KDM4B: variants seen among roughly 807,000 people sequenced by gnomAD.
The protein encoded by KDM4B is lysine-specific demethylase 4B.
In KDM4B, 32 loss-of-function variants were observed where a neutral mutation model predicts 125.2. That is an observed-to-expected ratio of 0.26 (90% CI 0.19 to 0.34). The LOEUF is 0.34. Ranked by LOEUF, KDM4B falls within the 10% of genes least tolerant of loss-of-function variation. The pLI is 1.00. For synonymous variants in KDM4B, 721 were observed against 677.9 expected (o/e 1.06, Z -0.99); for missense variants, 1,190 against 1,577.7 (o/e 0.75, Z 4.16).
intron 6 of KDM4B, among the ~76,000 whole-genome samples, chr19:5,061,214 C>T (rs550039487): frequency 2.6e-5 from 4 of 152,338 alleles, no homozygotes; most frequent in East Asian, 1.9e-4. Context: ...TCCGCTTTGT[C>T]GGGCATTCCT....
intron 6 of KDM4B, among the ~76,000 whole-genome samples, chr19:5,063,043 TA>T (rs1267143974): frequency 6.6e-6 from 1 of 151,960 alleles, no homozygotes; most frequent in East Asian, 1.9e-4. Context: ...CTAGTGTCTC[TA>T]GTGCAGTGTG....
chr19:5,151,405 G>A lies in KDM4B; in HGVS notation c.3185G>A (p.Arg1062His). Residue 1062 changes from arginine to histidine, a missense_variant, in exon 23 of 23, where the codon CGT becomes CAT. Arg to His is a conservative substitution (Grantham distance 29, BLOSUM62 0). Around this residue, in one of 7 missense-constraint regions of KDM4B, gnomAD observed 109 missense variants for 93.8 expected, o/e 1.16. Coordinates refer to ENST00000159111, the MANE Select transcript of KDM4B (RefSeq NM_015015.3). ...GAGGCCAAGGCCGCCAAGCGCCCGC[G>A]TGTGGGCACCCCGCTTGCCACGGAG... Reference protein sequence around the residue: ...GEEAKAAKRPRVGTPLATEDS... With the variant: ...GEEAKAAKRPHVGTPLATEDS... 1.3e-6 allele frequency: 2 copies of A among 1,582,120 alleles called. No individual in the cohort carries two copies. Among genetic ancestry groups the A allele is most frequent in the Non-Finnish European group, 1.7e-6 (2 of 1,166,638 alleles).
At chr19:4,985,338 C>T (rs561301530) in intron 1 of KDM4B, among the ~76,000 whole-genome samples, 63 of 152,194 alleles carry the variant, frequency 4.1e-4, no homozygotes, top group Non-Finnish European at 7.5e-4. Flanking sequence ...AAAAAAAAAT[C>T]AGCAATGACA....
chr19:5,061,552 T>A (rs1292398273), intron 6 of KDM4B, among the ~76,000 whole-genome samples: 2 of 152,018 alleles, frequency 1.3e-5, no homozygotes, highest in Non-Finnish European at 2.9e-5. Context: ...AGGATGAGGC[T>A]CCATGAAAGA....
At chr19:5,040,550 C>T (rs1215578868) in intron 4 of KDM4B, among the ~76,000 whole-genome samples, 1 of 152,194 alleles carries the variant, frequency 6.6e-6, no homozygotes, top group Non-Finnish European at 1.5e-5. Context: ...CCTATGGGCG[C>T]CTACCCAGGT....
At position 5,100,975 on chromosome 19, in the gene KDM4B, C is replaced by G. The variant is rs372294101; in HGVS notation, c.919-9647C>G. Reference sequence around the variant, plus strand: ...GTGGCTCACACCTGTGATTCCAGCACTTTGGGAGGCTGAGGCGGGCGGATC... The same window carrying G: ...GTGGCTCACACCTGTGATTCCAGCAGTTTGGGAGGCTGAGGCGGGCGGATC... On this transcript the variant is annotated intron_variant, in intron 9 of 22. Coordinates refer to ENST00000159111, the MANE Select transcript of KDM4B (RefSeq NM_015015.3). Among the ~76,000 whole-genome samples the G allele has an allele frequency of 2.6e-5, 4 of 152,220 alleles. No individual in the cohort carries two copies. In the East Asian group the frequency reaches 7.7e-4, roughly 29 times the overall value.
chr19:5,124,078 C>T (rs1460121872), intron 11 of KDM4B, among the ~76,000 whole-genome samples: 3 of 152,108 alleles, frequency 2.0e-5, no homozygotes, highest in Non-Finnish European at 2.9e-5. Context: ...CTGCCCTTCT[C>T]ACGAGTCAGA....
rs1160420067 is a variant in KDM4B at position 5,089,885 on chromosome 19, C to A, written c.918+7381C>A. 2.6e-5 allele frequency among the ~76,000 whole-genome samples: 4 copies of A among 152,048 alleles called. No individual in the cohort carries two copies. In the East Asian group the frequency reaches 7.7e-4, roughly 29 times the overall value. ...TTCAGAATGGGAGTTAAAAACCAAA[C>A]AAAAGGCCAAGCGCAGTGACTCATG... On this transcript the variant is annotated intron_variant, in intron 9 of 22. Coordinates refer to ENST00000159111, the MANE Select transcript of KDM4B (RefSeq NM_015015.3).
At chr19:5,146,856 G>A (rs1313531933) in intron 21 of KDM4B, among the ~76,000 whole-genome samples, 3 of 135,670 alleles carry the variant, frequency 2.2e-5, no homozygotes, top group Admixed American at 8.5e-5. Context: ...TGGGAGGATC[G>A]CTTGAACCCA....
chr19:5,043,581 A>C (rs2036908815), intron 5 of KDM4B, among the ~76,000 whole-genome samples: 1 of 141,660 alleles, frequency 7.1e-6, no homozygotes. Flanking sequence ...TGTGGTGTTT[A>C]TCAGAGTGGG....
chr19:5,138,597 A>C (rs888309835), intron 18 of KDM4B: 6 of 160,826 alleles, frequency 3.7e-5, no homozygotes, highest in African/African-American at 1.4e-4. Flanking sequence ...CCCAGGCTGC[A>C]GTGAGCTGTG....
chr19:5,151,414 C>T lies in KDM4B; in HGVS notation c.3194C>T (p.Thr1065Ile), dbSNP rs745888825. ...GCCGCCAAGCGCCCGCGTGTGGGCA[C>T]CCCGCTTGCCACGGAGGACTCCGGG... ...AKAAKRPRVG[T>I]PLATEDSGRS... Residue 1065 changes from threonine (T) to isoleucine (I), a missense_variant, in exon 23 of 23, where the codon ACC (threonine) becomes ATC (isoleucine). Physicochemically the swap from Thr to Ile is moderately conservative, Grantham distance 89. Transcript: ENST00000159111. 6 of 1,576,640 alleles carry T rather than the reference C, an allele frequency of 3.8e-6. No individual in the cohort carries two copies. The highest frequency in any genetic ancestry group is 2.0e-4 in the Middle Eastern group (1 of 4,960).
intron 6 of KDM4B, among the ~76,000 whole-genome samples, chr19:5,053,336 C>T (rs1010324714): frequency 2.6e-5 from 4 of 152,252 alleles, no homozygotes; most frequent in African/African-American, 9.6e-5. Flanking sequence ...ATGCGTGCCT[C>T]GCTCCCAGGC....
intron 14 of KDM4B, among the ~76,000 whole-genome samples, 164 bp from the exon 15 acceptor site, chr19:5,135,175 G>T (rs2039625446): frequency 6.6e-6 from 1 of 152,188 alleles, no homozygotes; most frequent in Admixed American, 6.5e-5. Flanking sequence ...CTTTCTGGAG[G>T]AGTGAGAAGA....
intron 21 of KDM4B, among the ~76,000 whole-genome samples, chr19:5,149,772 C>G (rs2039914323): frequency 6.6e-6 from 1 of 152,246 alleles, no homozygotes; most frequent in Non-Finnish European, 1.5e-5. Flanking sequence ...CATCTGCCAC[C>G]TGGAACAAGG....
At chr19:5,123,664 G>C (rs2039401122) in intron 11 of KDM4B, among the ~76,000 whole-genome samples, 1 of 152,206 alleles carries the variant, frequency 6.6e-6, no homozygotes, top group Non-Finnish European at 1.5e-5. Context: ...TGCAGGGCCT[G>C]TGTCTACACT....
intron 14 of KDM4B, among the ~76,000 whole-genome samples, chr19:5,134,385 C>T (rs978145875): frequency 1.3e-5 from 2 of 152,152 alleles, no homozygotes; most frequent in African/African-American, 4.8e-5. Flanking sequence ...TGTGGGAGTG[C>T]AGTGAAGGCC....
At chr19:5,116,117 G>C (rs1168348010) in intron 10 of KDM4B, among the ~76,000 whole-genome samples, 2 of 151,764 alleles carry the variant, frequency 1.3e-5, no homozygotes, top group Non-Finnish European at 2.9e-5. Flanking sequence ...TCACCAGACT[G>C]GGGCTGGGCA....
chr19:5,031,746 T>G (rs903165089), intron 2 of KDM4B, among the ~76,000 whole-genome samples: 1 of 152,190 alleles, frequency 6.6e-6, no homozygotes, highest in Non-Finnish European at 1.5e-5. Context: ...GGGGCCTCCC[T>G]GCCGTCCTGC....
Sources: gnomAD v4.1 joint callset for allele counts (sites outside exome capture counted in the v4.1 genomes callset) on GRCh38, gnomAD v4.1.1 for gene constraint, gnomAD v4.1.1 regional missense constraint, MANE v1.5 for transcripts, NCBI Gene and HGNC (gene_info 2026-07-23, HGNC 2026-07-21) for gene names.